The following TMPRSS4 variants were observed in gnomAD, a reference collection of about 807,000 sequenced individuals.
TMPRSS4 encodes the protein transmembrane serine protease 4, also known as transmembrane protease serine 4.
TMPRSS4 carries 45 observed loss-of-function variants against 56.4 expected under a neutral mutation model. That is an observed-to-expected ratio of 0.80 (90% CI 0.63 to 1.02). The LOEUF is 1.02. Among genes scored for constraint, TMPRSS4 ranks in the 50% least tolerant of loss-of-function variants. The probability of loss-of-function intolerance (pLI) is 0.00; values close to 1 mark genes in which losing one functional copy is unlikely to be tolerated. For synonymous variants in TMPRSS4, 205 were observed against 211.0 expected (o/e 0.97, Z 0.25); for missense variants, 546 against 556.7 (o/e 0.98, Z 0.19).
downstream of TMPRSS4, among the ~76,000 whole-genome samples, chr11:118,123,565 T>G (rs1048742956): frequency 1.3e-5 from 2 of 152,166 alleles, no homozygotes; most frequent in African/African-American, 4.8e-5. Context: ...TCACCCAGGC[T>G]GGAGTGCAGT....
At chr11:118,082,350 C>G (rs1319776781) in intron 1 of TMPRSS4, among the ~76,000 whole-genome samples, 1 of 152,070 alleles carries the variant, frequency 6.6e-6, no homozygotes, top group Non-Finnish European at 1.5e-5. Flanking sequence ...CACCTGAGGT[C>G]AGAAGTTCAA....
At chr11:118,088,458 G>A (rs1280856791) in intron 1 of TMPRSS4, among the ~76,000 whole-genome samples, 1 of 152,192 alleles carries the variant, frequency 6.6e-6, no homozygotes, top group Non-Finnish European at 1.5e-5. Context: ...GGCAATGGCA[G>A]GTTTTCCAGT....
In TMPRSS4 at chr11:118,117,402, G is replaced by A. The variant is rs1232636836; in HGVS notation, c.1250G>A (p.Gly417Glu). 3.7e-6 allele frequency: 6 copies of A among 1,614,040 alleles called. No individual in the cohort carries two copies. The highest frequency in any genetic ancestry group is 1.7e-5 in the Admixed American group (1 of 60,008). Residue 417 changes from glycine to glutamate, a missense_variant, in exon 12 of 13, where the codon GGA becomes GAA. Gly to Glu is a moderately conservative substitution (Grantham distance 98). Transcript: ENST00000437212. ...GYGCGGPSTPGVYTKVSAYLN... is the reference protein window; with the variant it reads ...GYGCGGPSTPEVYTKVSAYLN... ...GGCTGCGGGGGCCCGAGCACCCCAG[G>A]AGTATACACCAAGGTCTCAGCCTAT...
chr11:118,109,884 C>CAATG (rs1035357479), intron 7 of TMPRSS4, among the ~76,000 whole-genome samples: 1 of 152,264 alleles, frequency 6.6e-6, no homozygotes, highest in East Asian at 1.9e-4. Context: ...GGTGGCTGGT[C>CAATG]AATGAATGAA....
chr11:118,106,042 A>C (rs1946973408), intron 5 of TMPRSS4: 1 of 152,284 alleles, frequency 6.6e-6, no homozygotes, highest in Non-Finnish European at 1.5e-5. Flanking sequence ...ACTCATGCCC[A>C]GCACCTGCTA....
chr11:118,085,792 T>C (rs1945509545), intron 1 of TMPRSS4, among the ~76,000 whole-genome samples: 1 of 152,148 alleles, frequency 6.6e-6, no homozygotes, highest in African/African-American at 2.4e-5. Flanking sequence ...TGTCCAGGCA[T>C]TGTCCTCAGG....
At chr11:118,104,882 C>A in intron 5 of TMPRSS4, 62 bp downstream of exon 5, 1 of 1,470,504 alleles carries the variant, frequency 6.8e-7, no homozygotes. Context: ...TCCTCCTTTC[C>A]TTCCTCCCTT....
At position 118,103,038 on chromosome 11, in the gene TMPRSS4, A is replaced by G. The variant is rs1054744137; in HGVS notation, c.158-63A>G. 4 of 1,584,574 alleles carry G rather than the reference A, an allele frequency of 2.5e-6. No individual in the cohort carries two copies. In the African/African-American group the frequency reaches 5.4e-5, roughly 21 times the overall value. ...CCCAGCACTATCGCCAGGAAAACCC[A>G]GCGTCTCCCTGCTCAAGCCTGACCC... On this transcript the variant is annotated intron_variant, in intron 3 of 12. Transcript: ENST00000437212.
chr11:118,111,670 T>C lies in TMPRSS4; in HGVS notation c.584-71T>C, dbSNP rs1014271110. ...GGCCCTGCTTAGAGCAGATTTTGGG[T>C]GCTGAGTGGAGGCAGCCTCATCCCC... On this transcript the variant is annotated intron_variant, in intron 7 of 12. Transcript: ENST00000437212. 3 of 1,336,636 alleles carry C rather than the reference T, an allele frequency of 2.2e-6. No homozygotes were observed. The African/African-American group carries it at 4.6e-5, about 20-fold the overall frequency. 82.8% of individuals were successfully genotyped at this position (1,336,636 alleles called of 1,614,324 possible).
At chr11:118,089,346 G>A (rs187554059) in intron 1 of TMPRSS4, among the ~76,000 whole-genome samples, 39 of 152,342 alleles carry the variant, frequency 2.6e-4, no homozygotes, top group African/African-American at 8.9e-4. Context: ...AGAGCATGGT[G>A]AGGACATGAG....
intron 5 of TMPRSS4, chr11:118,105,448 C>A (rs557118917): frequency 6.6e-6 from 1 of 151,872 alleles, no homozygotes; most frequent in Non-Finnish European, 1.5e-5. Context: ...TATATTATAT[C>A]TATTTCATAA....
intron 1 of TMPRSS4, among the ~76,000 whole-genome samples, chr11:118,085,719 A>T (rs1178856395): frequency 1.3e-5 from 2 of 152,208 alleles, no homozygotes; most frequent in African/African-American, 4.8e-5. Context: ...GGTCCCTGCC[A>T]GGCTGAAAGG....
chr11:118,094,987 C>A, intron 2 of TMPRSS4, 132 bp downstream of exon 2: 1 of 917,196 alleles, frequency 1.1e-6, no homozygotes, highest in Non-Finnish European at 1.7e-6. Flanking sequence ...GACATCCAGT[C>A]ACCCGTCCAT....
intron 7 of TMPRSS4, among the ~76,000 whole-genome samples, chr11:118,109,174 C>T (rs79497081): frequency 0.055 from 8,374 of 152,114 alleles, 571 homozygotes; most frequent in African/African-American, 0.15. Flanking sequence ...TTAGGAAGAC[C>T]GAAAAGGGCA....
At chr11:118,123,891 T>C (rs957411332), downstream of TMPRSS4, among the ~76,000 whole-genome samples, 1 of 152,076 alleles carries the variant, frequency 6.6e-6, no homozygotes, top group East Asian at 1.9e-4. Context: ...AGATCCTGAG[T>C]TGAACAAGTT....
intron 9 of TMPRSS4, 25 bp from the exon 10 acceptor site, chr11:118,114,801 TCTC>T (rs1179306987): frequency 6.4e-7 from 1 of 1,563,266 alleles, no homozygotes; most frequent in Non-Finnish European, 8.7e-7. Context: ...GAATAAAAGA[TCTC>T]CTTCTTCCTC....
At position 118,111,743 on chromosome 11, in the gene TMPRSS4, T is replaced by G. The variant is rs1312476936; in HGVS notation, c.586T>G (p.Cys196Gly). The G allele has an allele frequency of 5.7e-6, 9 of 1,573,618 alleles. No homozygotes were observed. The highest frequency in any genetic ancestry group is 6.9e-6 in the Non-Finnish European group (8 of 1,163,304). Residue 196 changes from cysteine to glycine, a missense_variant and splice_region_variant, in exon 8 of 13, where the codon TGT becomes GGT. Coordinates refer to ENST00000437212, the MANE Select transcript of TMPRSS4 (RefSeq NM_019894.4). ...TCCCTGCCTCTGCCTGTGTCCAGCC[T>G]GTGGGAAGAGCCTGAAGACCCCCCG... ...GSLVSLHCLA[C>G]GKSLKTPRVV...
chr11:118,083,281 C>T (rs933985973), intron 1 of TMPRSS4, among the ~76,000 whole-genome samples: 3 of 152,222 alleles, frequency 2.0e-5, no homozygotes, highest in East Asian at 3.8e-4. Flanking sequence ...TCTCAGACGG[C>T]CACACACACT....
intron 7 of TMPRSS4, 85 bp from the exon 8 acceptor site, chr11:118,111,656 G>A: frequency 8.6e-7 from 1 of 1,166,778 alleles, no homozygotes; most frequent in Non-Finnish European, 1.2e-6. Flanking sequence ...GCCCTGCTTA[G>A]AGCAGATTTT....
Sources: gnomAD v4.1 joint callset for allele counts (sites outside exome capture counted in the v4.1 genomes callset) on GRCh38, gnomAD v4.1.1 for gene constraint, MANE v1.5 for transcripts, NCBI Gene and HGNC (gene_info 2026-07-23, HGNC 2026-07-21) for gene names.